CAST: variants seen among roughly 807,000 people sequenced by gnomAD.
The protein encoded by CAST is calpastatin.
Under a neutral mutation model 119.6 loss-of-function variants are expected in CAST, and 76 were observed. That is an observed-to-expected ratio of 0.64 (90% confidence interval 0.53 to 0.77). The LOEUF is 0.77. CAST is among the 30% of genes least tolerant of loss of function. The pLI, the probability that CAST is intolerant of heterozygous loss-of-function variation, is 0.00. For missense variants in CAST, 953 were observed against 946.5 expected, an observed-to-expected ratio of 1.01 and a Z score of -0.09; for synonymous variants, 319 against 331.6, an observed-to-expected ratio of 0.96 and a Z score of 0.41.
intron 2 of CAST, among the ~76,000 whole-genome samples, chr5:96,692,420 G>A (rs1008958371): frequency 1.3e-5 from 2 of 152,136 alleles, no homozygotes; most frequent in African/African-American, 4.8e-5. Context: ...CCAAACTCAT[G>A]TGACTATAGG....
chr5:96,130,251 C>G, the CAST span, among the ~76,000 whole-genome samples: 1 of 151,770 alleles, frequency 6.6e-6, no homozygotes, highest in Non-Finnish European at 1.5e-5. Context: ...TAACCCCAGT[C>G]CAATATGTGA....
chr5:96,492,933 T>A, the CAST span, among the ~76,000 whole-genome samples: 1 of 152,222 alleles, frequency 6.6e-6, no homozygotes, highest in Non-Finnish European at 1.5e-5. Flanking sequence ...ACAGGACGAT[T>A]GACTTGGGAG....
chr5:96,500,590 G>A, the CAST span, among the ~76,000 whole-genome samples: 18 of 152,164 alleles, frequency 1.2e-4, no homozygotes, highest in South Asian at 3.1e-3. Context: ...CACAGAGGTT[G>A]GTCTCAGTTT....
chr5:96,661,152 G>T (rs1580863581), upstream of CAST, among the ~76,000 whole-genome samples: 1 of 150,666 alleles, frequency 6.6e-6, no homozygotes, highest in Non-Finnish European at 1.5e-5. Flanking sequence ...AGTGGCTCAC[G>T]CCTGTAATCC....
At chr5:96,601,491 A>T (rs573045284) in intron 1 of CAST, among the ~76,000 whole-genome samples, 47 of 152,322 alleles carry the variant, frequency 3.1e-4, no homozygotes, top group Middle Eastern at 3.4e-3. Context: ...GATTTTTTTA[A>T]ATCCCTCTGG....
the CAST span, among the ~76,000 whole-genome samples, chr5:96,104,861 C>T: frequency 1.4e-5 from 1 of 71,870 alleles, no homozygotes; most frequent in Non-Finnish European, 2.7e-5. Context: ...TTCTTCCTAC[C>T]CATGAGCATG....
At chr5:96,750,738 C>CT in intron 20 of CAST, 56 bp downstream of exon 20, 1 of 903,158 alleles carries the variant, frequency 1.1e-6, no homozygotes, top group Admixed American at 1.7e-5. Flanking sequence ...CTGCCTCCTC[C>CT]TGTCACTCTC....
the CAST span, among the ~76,000 whole-genome samples, chr5:96,299,752 GAATTTT>G: frequency 6.6e-6 from 1 of 152,066 alleles, no homozygotes; most frequent in Non-Finnish European, 1.5e-5. Context: ...AGTGCTATGT[GAATTTT>G]ATTTTCTATT....
At chr5:96,453,015 C>T in the CAST span, among the ~76,000 whole-genome samples, 1 of 149,056 alleles carries the variant, frequency 6.7e-6, no homozygotes, top group Non-Finnish European at 1.5e-5. Context: ...ACAGAAATTC[C>T]GAGTAACCAA....
chr5:96,646,946 C>T (rs985735605), intron 1 of CAST, among the ~76,000 whole-genome samples: 1 of 152,182 alleles, frequency 6.6e-6, no homozygotes, highest in Non-Finnish European at 1.5e-5. Flanking sequence ...TGATGCCCAA[C>T]CTCTCTGTTG....
chr5:96,157,906 C>T, the CAST span, among the ~76,000 whole-genome samples: 1 of 152,166 alleles, frequency 6.6e-6, no homozygotes, highest in African/African-American at 2.4e-5. Context: ...TGGTAATAAA[C>T]ATTCGTCTGA....
At chr5:96,172,308 G>A in the CAST span, among the ~76,000 whole-genome samples, 1 of 152,174 alleles carries the variant, frequency 6.6e-6, no homozygotes, top group Admixed American at 6.5e-5. Flanking sequence ...AGTTAAGGCA[G>A]GAACAGGCCA....
intron 1 of CAST, among the ~76,000 whole-genome samples, chr5:96,556,372 C>T (rs1026187381): frequency 1.6e-4 from 24 of 152,262 alleles, no homozygotes; most frequent in South Asian, 4.1e-4. Context: ...ATGACTTTGA[C>T]GAGTTGAGAG....
At chr5:96,328,489 G>A in the CAST span, among the ~76,000 whole-genome samples, 4 of 148,516 alleles carry the variant, frequency 2.7e-5, no homozygotes, top group Non-Finnish European at 4.4e-5. Flanking sequence ...CTTTCTGGGC[G>A]TTTGTGTACA....
the CAST span, among the ~76,000 whole-genome samples, chr5:96,096,318 T>C: frequency 5.6e-4 from 85 of 152,318 alleles, no homozygotes; most frequent in African/African-American, 1.8e-3. Context: ...ATAATGCTTG[T>C]AAACAATTGA....
chr5:96,309,873 C>G, the CAST span, among the ~76,000 whole-genome samples: 1,953 of 152,356 alleles, frequency 0.013, 42 homozygotes, highest in African/African-American at 0.044. Flanking sequence ...TTGCTGGGAG[C>G]TACAGACCGG....
chr5:96,767,851 A>C (rs1227780253), intron 28 of CAST, 56 bp from the exon 29 acceptor site: 2 of 993,538 alleles, frequency 2.0e-6, no homozygotes, highest in Non-Finnish European at 3.2e-6. Flanking sequence ...AAAAGACCCC[A>C]TATTGCATTT....
intron 19 of CAST, among the ~76,000 whole-genome samples, chr5:96,749,404 G>A (rs1487590295): frequency 6.6e-6 from 1 of 152,122 alleles, no homozygotes; most frequent in African/African-American, 2.4e-5. Context: ...AGTTTAAATG[G>A]GTAGTAAGTT....
chr5:96,032,604 C>T, the CAST span, among the ~76,000 whole-genome samples: 1 of 152,060 alleles, frequency 6.6e-6, no homozygotes. Flanking sequence ...GATATCCAAG[C>T]AGAATTTTCC....
Sources: allele counts gnomAD v4.1 joint callset (sites outside exome capture counted in the v4.1 genomes callset), GRCh38; gene constraint gnomAD v4.1.1; transcripts MANE v1.5; gene names NCBI Gene and HGNC (gene_info 2026-07-23, HGNC 2026-07-21).